The following RPS3 variants were observed in gnomAD, a reference collection of about 807,000 sequenced individuals.
RPS3 encodes small ribosomal subunit protein uS3.
Under a neutral mutation model 25.8 loss-of-function variants are expected in RPS3, and 2 were observed. The observed-to-expected ratio is 0.08, with a 90% CI of 0.03 to 0.24. The LOEUF (loss-of-function observed/expected upper bound fraction) is 0.24. Among genes scored for constraint, RPS3 ranks in the 10% least tolerant of loss-of-function variants. The pLI is 1.00. For synonymous variants in RPS3, 114 were observed against 114.2 expected (o/e 1.00, Z 0.01); for missense variants, 107 against 307.1 (o/e 0.35, Z 4.87).
Position 75,404,895 on chromosome 11 carries a change from TGG to T in RPS3, c.*3+30_*3+31del. ...TATGTCTGCAAGGGCAGGGGCCTCT[TGG>T]GGCATAATAGGGTCCTTCCGAGTCT... On this transcript the variant is annotated intron_variant, in intron 6 of 6. Coordinates refer to ENST00000531188, the MANE Select transcript of RPS3 (RefSeq NM_001005.5). The surrounding 1 kb of genome is among the most constrained non-coding windows in gnomAD (Gnocchi z 4.6). The T allele has an allele frequency of 1.3e-6, 2 of 1,490,700 alleles. No individual in the cohort carries two copies. The highest frequency in any genetic ancestry group is 1.8e-6 in the Non-Finnish European group (2 of 1,096,226). 92.3% of individuals were successfully genotyped at this position (1,490,700 alleles called of 1,614,324 possible). A position where few individuals can be genotyped will look rare whatever the true frequency, so the allele number is the denominator to read the frequency against.
chr11:75,410,368 T>C (rs1172800834), downstream of RPS3, among the ~76,000 whole-genome samples: 6 of 137,352 alleles, frequency 4.4e-5, no homozygotes, highest in East Asian at 8.8e-4. Context: ...GGGGCAGAGG[T>C]GCTCCCCACA....
In RPS3 at chr11:75,422,033, A is replaced by G. The variant is rs2135076178; in HGVS notation, c.*310A>G. 3 of 152,588 alleles carry G rather than the reference A, an allele frequency of 2.0e-5. 1 individual carries two copies. The Middle Eastern group carries it at 0.01, about 519-fold the overall frequency. The allele number at this position is 152,588 out of a possible 1,614,324, so 9.5% of individuals were successfully genotyped here. On this transcript the variant is annotated 3_prime_UTR_variant, in exon 7 of 7. Transcript: ENST00000527446. ...GAGGTAATGTATGTGTCAGAACCCA[A>G]TACCCAAAGCGATCGTAGTAAGAGG...
chr11:75,408,491 C>CT (rs1229471990), downstream of RPS3, among the ~76,000 whole-genome samples: 2 of 89,976 alleles, frequency 2.2e-5, no homozygotes. Flanking sequence ...AAAAAAAAAA[C>CT]CCAGATTTGC....
intron 2 of RPS3, among the ~76,000 whole-genome samples, 154 bp downstream of exon 2, chr11:75,400,978 G>A (rs1423745652): frequency 6.6e-6 from 1 of 152,174 alleles, no homozygotes; most frequent in Non-Finnish European, 1.5e-5. Context: ...CGCCTCCCGG[G>A]TTCACGCCAT....
intron 3 of RPS3, 175 bp from the exon 4 acceptor site, chr11:75,402,177 C>T (rs17880903): frequency 4.4e-6 from 4 of 916,366 alleles, no homozygotes; most frequent in African/African-American, 3.3e-5. Flanking sequence ...CGCAAAAAAT[C>T]ACGATGTTGA....
chr11:75,418,906 A>G (rs1416781955), intron 6 of RPS3, among the ~76,000 whole-genome samples: 1 of 152,184 alleles, frequency 6.6e-6, no homozygotes, highest in Non-Finnish European at 1.5e-5. Flanking sequence ...TACACCTGCA[A>G]CCAGCCTATT....
At position 75,404,551 on chromosome 11, in the gene RPS3, C is replaced by G. The variant is rs777393112; in HGVS notation, c.539-121C>G. ...TCCTATTTATTGATCGATTTAGAGG[C>G]ATTTGTCTGAGAAGGGTCCAGACCC... On this transcript the variant is annotated intron_variant, in intron 5 of 6. Transcript: ENST00000531188. This position sits in a 1 kb window ranked among gnomAD's most constrained non-coding sequence, Gnocchi z 4.6. The G allele has an allele frequency of 1.1e-6, 1 of 930,134 alleles. No homozygotes were observed. Among genetic ancestry groups the G allele is most frequent in the Admixed American group, 1.7e-5 (1 of 59,102 alleles). The allele number at this position is 930,134 out of a possible 1,614,324, so 57.6% of individuals were successfully genotyped here.
chr11:75,405,159 C>T (rs1048131045), intron 6 of RPS3: 28 of 230,206 alleles, frequency 1.2e-4, no homozygotes, highest in Non-Finnish European at 1.9e-4. Context: ...TCAGTGCAAC[C>T]TCTGCCTCCC....
At chr11:75,411,377 G>GTATTT (rs1217878911), downstream of RPS3, among the ~76,000 whole-genome samples, 6 of 151,862 alleles carry the variant, frequency 4.0e-5, no homozygotes, top group South Asian at 2.1e-4. Context: ...GCAAGTATTT[G>GTATTT]TATTTTATTT....
chr11:75,410,831 C>T (rs796773439), downstream of RPS3, among the ~76,000 whole-genome samples: 4 of 152,056 alleles, frequency 2.6e-5, no homozygotes, highest in African/African-American at 4.8e-5. Flanking sequence ...CAAAAAAAAA[C>T]GAAAACCATT....
intron 3 of RPS3, 120 bp from the exon 4 acceptor site, chr11:75,402,232 G>C (rs897446171): frequency 2.1e-6 from 3 of 1,458,082 alleles, no homozygotes; most frequent in Non-Finnish European, 2.8e-6. Context: ...GGCAGCATGC[G>C]GCCCGTGGGT....
At chr11:75,410,532 A>G (rs1948345202), downstream of RPS3, among the ~76,000 whole-genome samples, 1 of 148,692 alleles carries the variant, frequency 6.7e-6, no homozygotes, top group Non-Finnish European at 1.5e-5. Flanking sequence ...GGGGCTCCTC[A>G]TATCCCAGAC....
intron 6 of RPS3, among the ~76,000 whole-genome samples, chr11:75,414,645 C>A (rs1483058827): frequency 6.6e-6 from 1 of 152,044 alleles, no homozygotes; most frequent in Non-Finnish European, 1.5e-5. Context: ...AAAGGTTATT[C>A]TCAGGCTCTG....
At chr11:75,420,785 G>A (rs939122973) in intron 6 of RPS3, among the ~76,000 whole-genome samples, 3 of 152,034 alleles carry the variant, frequency 2.0e-5, no homozygotes, top group African/African-American at 7.2e-5. Context: ...ACCTGGCCAT[G>A]TGCCCGGTGA....
chr11:75,414,758 C>A (rs1409636745), intron 6 of RPS3, among the ~76,000 whole-genome samples: 1 of 152,196 alleles, frequency 6.6e-6, no homozygotes, highest in African/African-American at 2.4e-5. Flanking sequence ...GGAGAGAACA[C>A]CTGCTAGTAA....
intron 2 of RPS3, among the ~76,000 whole-genome samples, chr11:75,401,282 G>T (rs1948206349): frequency 6.6e-6 from 1 of 152,168 alleles, no homozygotes; most frequent in South Asian, 2.1e-4. Flanking sequence ...CCAGGCGTAG[G>T]ATCACTTAAG....
chr11:75,409,169 A>T (rs187674710), downstream of RPS3, among the ~76,000 whole-genome samples: 2 of 145,746 alleles, frequency 1.4e-5, no homozygotes, highest in Admixed American at 6.7e-5. Flanking sequence ...TATTTTATTT[A>T]TTATTATTAT....
chr11:75,399,625 C>A lies in RPS3; in HGVS notation c.30+48C>A, dbSNP rs201527751. On this transcript the variant is annotated intron_variant, in intron 1 of 6. Coordinates refer to ENST00000531188, the MANE Select transcript of RPS3 (RefSeq NM_001005.5). ...CGGAGAACGACGGCGCCGCGCGGGT[C>A]GAGGGCTTCTCGGGGTGCCACCGCG... The A allele has an allele frequency of 7.4e-5, 117 of 1,579,660 alleles. 1 individual carries two copies. The Admixed American group carries it at 1.6e-3, about 21-fold the overall frequency.
chr11:75,415,206 C>T (rs529399961), intron 6 of RPS3, among the ~76,000 whole-genome samples: 3 of 152,208 alleles, frequency 2.0e-5, no homozygotes, highest in Non-Finnish European at 4.4e-5. Context: ...GCAGTCAGAC[C>T]TGGGATCAAA....
Sources: allele counts gnomAD v4.1 joint callset (sites outside exome capture counted in the v4.1 genomes callset), GRCh38; gene constraint gnomAD v4.1.1; non-coding constraint Gnocchi (gnomAD v3.1); transcripts MANE v1.5; gene names NCBI Gene and HGNC (gene_info 2026-07-23, HGNC 2026-07-21).